SLC25A21: variants seen among roughly 807,000 people sequenced by gnomAD.
SLC25A21 encodes the protein mitochondrial 2-oxodicarboxylate carrier.
In SLC25A21, 47 loss-of-function variants were observed where a neutral mutation model predicts 43.8. The observed-to-expected ratio is 1.07, with a 90% CI of 0.85 to 1.37. SLC25A21 has a LOEUF of 1.37. SLC25A21 is among the 40% of genes most tolerant of loss of function. The pLI, the probability that SLC25A21 is intolerant of heterozygous loss-of-function variation, is 0.00. For missense variants in SLC25A21, 352 were observed against 350.2 expected (o/e 1.00, Z -0.04); for synonymous variants, 131 against 121.3 (o/e 1.08, Z -0.52).
rs938555627 is a variant in SLC25A21 at position 36,679,865 on chromosome 14, G to GAA, written c.*791_*792dup. 5 of 981,878 alleles carry GAA rather than the reference G, an allele frequency of 5.1e-6. No individual in the cohort carries two copies. The African/African-American group carries it at 8.7e-5, about 17-fold the overall frequency. The allele number at this position is 981,878 out of a possible 1,614,324, so 60.8% of individuals were successfully genotyped here. On this transcript the variant is annotated 3_prime_UTR_variant, in exon 10 of 10. Coordinates refer to ENST00000331299, the MANE Select transcript of SLC25A21 (RefSeq NM_030631.4). ...CATCAACAAAACTTATCTTCAAAGA[G>GAA]AACTATGTGGAGGAAAGTAAATTTT...
intron 3 of SLC25A21, among the ~76,000 whole-genome samples, chr14:36,811,840 T>A (rs1355818480): frequency 1.3e-5 from 2 of 152,202 alleles, no homozygotes; most frequent in African/African-American, 4.8e-5. Flanking sequence ...TGTAAAAAAC[T>A]ACCAGAAGAA....
At chr14:36,765,908 C>A (rs956061746) in intron 3 of SLC25A21, among the ~76,000 whole-genome samples, 2 of 152,168 alleles carry the variant, frequency 1.3e-5, no homozygotes, top group Admixed American at 1.3e-4. Context: ...CCCACTGATA[C>A]CTCTTGGAAC....
chr14:37,041,487 T>C (rs934366192), intron 1 of SLC25A21, among the ~76,000 whole-genome samples: 2 of 148,708 alleles, frequency 1.3e-5, no homozygotes, highest in Admixed American at 6.6e-5. Flanking sequence ...AGGCCCTGTC[T>C]CTAAAAAGAA....
At chr14:37,151,890 C>T (rs755937169) in intron 1 of SLC25A21, among the ~76,000 whole-genome samples, 6 of 151,986 alleles carry the variant, frequency 3.9e-5, no homozygotes, top group Non-Finnish European at 7.4e-5. Context: ...CAAATATTAG[C>T]TGGGCAGGGT....
intron 1 of SLC25A21, among the ~76,000 whole-genome samples, chr14:36,984,972 T>C (rs1403891320): frequency 6.6e-6 from 1 of 151,190 alleles, no homozygotes; most frequent in Non-Finnish European, 1.5e-5. Flanking sequence ...GTGGCACATA[T>C]ACACCATGGA....
intron 7 of SLC25A21, among the ~76,000 whole-genome samples, chr14:36,704,545 TA>T (rs1375035557): frequency 6.6e-6 from 1 of 151,158 alleles, no homozygotes; most frequent in Non-Finnish European, 1.5e-5. Flanking sequence ...TAATCCCAGC[TA>T]CTCAGGAGGC....
chr14:37,015,310 T>C (rs111775086), intron 1 of SLC25A21, among the ~76,000 whole-genome samples: 56,147 of 148,722 alleles, frequency 0.38, 11,380 homozygotes, highest in African/African-American at 0.54. Flanking sequence ...TTTGTCCTTG[T>C]GATAGTTTGC....
At chr14:36,896,867 C>A (rs183694514) in intron 1 of SLC25A21, among the ~76,000 whole-genome samples, 1 of 152,274 alleles carries the variant, frequency 6.6e-6, no homozygotes, top group African/African-American at 2.4e-5. Flanking sequence ...AATATTGGCC[C>A]GCACTCTCTG....
chr14:36,736,592 C>T (rs549105054), intron 3 of SLC25A21, among the ~76,000 whole-genome samples: 14 of 151,782 alleles, frequency 9.2e-5, no homozygotes, highest in African/African-American at 3.1e-4. Flanking sequence ...GTTGATCTTT[C>T]CCCATCTGGA....
intron 6 of SLC25A21, among the ~76,000 whole-genome samples, chr14:36,722,702 C>T (rs1190074618): frequency 6.6e-6 from 1 of 152,062 alleles, no homozygotes; most frequent in Non-Finnish European, 1.5e-5. Context: ...AAATGTGGCT[C>T]ACATATTTCT....
intron 1 of SLC25A21, among the ~76,000 whole-genome samples, chr14:37,138,950 C>T (rs571651458): frequency 6.6e-6 from 1 of 152,154 alleles, no homozygotes; most frequent in East Asian, 1.9e-4. Flanking sequence ...AAATCTGTTT[C>T]CCATCTAGCT....
intron 1 of SLC25A21, among the ~76,000 whole-genome samples, chr14:36,901,199 A>T (rs187889111): frequency 1.1e-3 from 173 of 152,324 alleles, no homozygotes; most frequent in Middle Eastern, 3.4e-3. Flanking sequence ...TTAGGAATGG[A>T]TCTTTGATGA....
intron 1 of SLC25A21, among the ~76,000 whole-genome samples, chr14:37,048,676 G>A (rs10137611): frequency 0.39 from 59,949 of 151,864 alleles, 12,614 homozygotes; most frequent in African/African-American, 0.55. Context: ...GTGTTAAAGA[G>A]AAAGTACATA....
At chr14:36,896,088 A>G (rs975858757) in intron 1 of SLC25A21, among the ~76,000 whole-genome samples, 3 of 152,056 alleles carry the variant, frequency 2.0e-5, no homozygotes, top group African/African-American at 7.2e-5. Context: ...CAATTCCTGG[A>G]TATCCTCGTT....
chr14:36,701,194 A>G (rs1186117459), intron 7 of SLC25A21, among the ~76,000 whole-genome samples: 3 of 152,164 alleles, frequency 2.0e-5, no homozygotes, highest in African/African-American at 4.8e-5. Flanking sequence ...CCCAGTGAAA[A>G]TATCTGCTAT....
At chr14:37,089,021 C>T (rs1008984050) in intron 1 of SLC25A21, among the ~76,000 whole-genome samples, 1 of 152,196 alleles carries the variant, frequency 6.6e-6, no homozygotes. Context: ...GAGTCTCTGA[C>T]TTCCGCCGTA....
At position 36,708,491 on chromosome 14, in the gene SLC25A21, G is replaced by A. The variant is rs564257356; in HGVS notation, c.603+2827C>T. ...CTTTCCCTGTCATGCAGGCTGGAGT[G>A]CAGTGCCATGGTCATGGTTCACTGC... is the stretch of plus-strand genomic sequence containing the variant. On this transcript the variant is annotated intron_variant, in intron 7 of 9. Transcript: ENST00000331299. Among the ~76,000 whole-genome samples, 6 of 152,224 alleles carry A rather than the reference G, an allele frequency of 3.9e-5. No individual in the cohort carries two copies. In the East Asian group the frequency reaches 9.6e-4, roughly 24 times the overall value.
chr14:37,110,706 C>G (rs1408077573), intron 1 of SLC25A21, among the ~76,000 whole-genome samples: 1 of 152,130 alleles, frequency 6.6e-6, no homozygotes, highest in Non-Finnish European at 1.5e-5. Context: ...ATTGCGCTCA[C>G]TATTTTCAGT....
At chr14:36,751,619 A>G (rs1885711659) in intron 3 of SLC25A21, among the ~76,000 whole-genome samples, 1 of 152,234 alleles carries the variant, frequency 6.6e-6, no homozygotes. Flanking sequence ...GATATAATCT[A>G]TACTTTTCAT....
Sources: gnomAD v4.1 joint callset for allele counts (sites outside exome capture counted in the v4.1 genomes callset) on GRCh38, gnomAD v4.1.1 for gene constraint, MANE v1.5 for transcripts, NCBI Gene and HGNC (gene_info 2026-07-23, HGNC 2026-07-21) for gene names.